PCDHGA10: variants seen among roughly 807,000 people sequenced by gnomAD.
The protein encoded by PCDHGA10 is protocadherin gamma subfamily A, 10, also known as protocadherin gamma-A10.
PCDHGA10 carries 42 observed loss-of-function variants against 59.5 expected under a neutral mutation model. The ratio of observed to expected loss-of-function variants is 0.71; its 90% CI spans 0.55 to 0.91. PCDHGA10 has a LOEUF of 0.91. Ranked by LOEUF, PCDHGA10 falls within the 40% of genes least tolerant of loss-of-function variation. PCDHGA10 has a pLI of 0.00. For missense variants in PCDHGA10, 1,111 were observed against 1,198.2 expected (o/e 0.93, Z 1.07); for synonymous variants, 511 against 517.2 (o/e 0.99, Z 0.16).
chr5:141,495,465 G>T (rs563411010), intron 2 of PCDHGA10, among the ~76,000 whole-genome samples: 11 of 152,298 alleles, frequency 7.2e-5, no homozygotes, highest in African/African-American at 2.4e-4. Flanking sequence ...TGTCTGTGGG[G>T]TCTCCGTGTC....
chr5:141,460,128 T>C (rs10051366), intron 1 of PCDHGA10, among the ~76,000 whole-genome samples: 42,386 of 151,808 alleles, frequency 0.28, 6,635 homozygotes, highest in African/African-American at 0.43. Context: ...ATATGTAATA[T>C]ATATATTCTT....
rs1328460811 is a variant in PCDHGA10, at chr5:141,413,385, A to G, written c.210A>G (p.Ile70Met). ...AGCTGGCGGAGCGCGGAGTCCGCAT[A>G]GTCTCCAGAGGTAGGACGCAGCTTT... ...PRELAERGVR[I>M]VSRGRTQLFS... The change falls in exon 1 of 4, where the codon ATA (isoleucine) becomes ATG (methionine). Residue 70 changes from isoleucine (I) to methionine (M), a missense_variant. Ile to Met is a conservative substitution (Grantham distance 10). Coordinates refer to ENST00000398610, the MANE Select transcript of PCDHGA10 (RefSeq NM_018913.3). 23 of 1,613,870 alleles carry G rather than the reference A, an allele frequency of 1.4e-5. No individual in the cohort carries two copies. Among genetic ancestry groups the G allele is most frequent in the Non-Finnish European group, 1.8e-5 (21 of 1,179,912 alleles).
At chr5:141,466,624 G>C (rs1279938026) in intron 1 of PCDHGA10, among the ~76,000 whole-genome samples, 1 of 152,038 alleles carries the variant, frequency 6.6e-6, no homozygotes, top group Non-Finnish European at 1.5e-5. Context: ...GTTTTCTTTG[G>C]AGCATTGTCT....
intron 1 of PCDHGA10, among the ~76,000 whole-genome samples, chr5:141,474,357 T>G (rs185194067): frequency 2.0e-4 from 30 of 152,302 alleles, no homozygotes; most frequent in African/African-American, 6.5e-4. Context: ...AAGTCATGTC[T>G]CAGTAGGTCT....
At chr5:141,420,223 G>A in intron 1 of PCDHGA10, 2 of 1,604,640 alleles carry the variant, frequency 1.2e-6, no homozygotes, top group Non-Finnish European at 1.7e-6. Context: ...GCATGCTACT[G>A]GCTAGCATTT....
chr5:141,421,748 G>C, intron 1 of PCDHGA10: 1 of 1,613,944 alleles, frequency 6.2e-7, no homozygotes, highest in Non-Finnish European at 8.5e-7. Flanking sequence ...TACCAGCTCA[G>C]CCCTAATAAT....
Position 141,415,164 on chromosome 5 carries a change from G to A in PCDHGA10, c.1989G>A (p.Thr663=). 1.9e-6 allele frequency: 3 copies of A among 1,613,838 alleles called. No individual in the cohort carries two copies. Among genetic ancestry groups the A allele is most frequent in the African/African-American group, 2.7e-5 (2 of 75,070 alleles). Reference sequence around the variant, plus strand: ...AGCCCCCTCTCTCCGCCACTGTCACGCTCACCGTGGCCGTGGCCGACAGCA... The same window carrying A: ...AGCCCCCTCTCTCCGCCACTGTCACACTCACCGTGGCCGTGGCCGACAGCA... The part of the protein sequence containing the change: ...HGQPPLSATV[T]LTVAVADSIP... Residue 663 remains threonine (T), a synonymous_variant, in exon 1 of 4, where the codon ACG becomes ACA. Coordinates refer to ENST00000398610, the MANE Select transcript of PCDHGA10 (RefSeq NM_018913.3).
At chr5:141,494,724 T>C in intron 1 of PCDHGA10, 83 bp from the exon 2 acceptor site, 1 of 1,606,108 alleles carries the variant, frequency 6.2e-7, no homozygotes, top group South Asian at 1.1e-5. Flanking sequence ...CCCCTCCTTC[T>C]CTCCCGGCCC....
intron 2 of PCDHGA10, among the ~76,000 whole-genome samples, chr5:141,505,122 A>G (rs2099843899): frequency 6.6e-6 from 1 of 152,194 alleles, no homozygotes; most frequent in Non-Finnish European, 1.5e-5. Context: ...AGATCGCGCC[A>G]CTGCACTCCA....
In PCDHGA10 at chr5:141,486,440, A is replaced by G; in HGVS notation, c.2437-8367A>G. 6.2e-7 allele frequency: 1 copy of G among 1,614,114 alleles called. No individual in the cohort carries two copies. The highest frequency in any genetic ancestry group is 8.5e-7 in the Non-Finnish European group (1 of 1,179,936). On this transcript the variant is annotated intron_variant, in intron 1 of 3. Coordinates refer to ENST00000398610, the MANE Select transcript of PCDHGA10 (RefSeq NM_018913.3). This position sits in a 1 kb window ranked among gnomAD's most constrained non-coding sequence, Gnocchi z 5.0. ...TCGAGAGGCCAAATCTAGCTATGACATCATGGTCACTGCTTCTGATGCTGG... is the reference window on the plus strand; with the variant it reads ...TCGAGAGGCCAAATCTAGCTATGACGTCATGGTCACTGCTTCTGATGCTGG...
At chr5:141,498,011 G>A (rs995865984) in intron 2 of PCDHGA10, among the ~76,000 whole-genome samples, 2 of 152,204 alleles carry the variant, frequency 1.3e-5, no homozygotes, top group Non-Finnish European at 2.9e-5. Flanking sequence ...ACAGTGCACT[G>A]AAGGAGACAA....
intron 2 of PCDHGA10, among the ~76,000 whole-genome samples, chr5:141,502,337 T>C (rs1562205634): frequency 6.6e-6 from 1 of 152,184 alleles, no homozygotes; most frequent in Admixed American, 6.5e-5. Flanking sequence ...CCCAGTCTTT[T>C]TATTTTTTTA....
rs776543767 is a variant in PCDHGA10 at position 141,432,028 on chromosome 5, C to G, written c.2436+16417C>G. The G allele has an allele frequency of 6.2e-7, 1 of 1,614,168 alleles. No homozygotes were observed. The highest frequency in any genetic ancestry group is 2.2e-5 in the East Asian group (1 of 44,882). On this transcript the variant is annotated intron_variant, in intron 1 of 3. Transcript: ENST00000398610. This position sits in a 1 kb window ranked among gnomAD's most constrained non-coding sequence, Gnocchi z 6.0. ...TTCCTAGCTACAACATCACAGTGAC[C>G]GCCACTGACCGGGGAACCCCGCCCC...
chr5:141,473,382 C>A (rs780229708), intron 1 of PCDHGA10, among the ~76,000 whole-genome samples: 12 of 152,190 alleles, frequency 7.9e-5, no homozygotes, highest in Non-Finnish European at 1.8e-4. Context: ...TGGTCCCTGC[C>A]CTCCTGGAGC....
At position 141,486,646 on chromosome 5, in the gene PCDHGA10, C is replaced by T; in HGVS notation, c.2437-8161C>T. On this transcript the variant is annotated intron_variant, in intron 1 of 3. Transcript: ENST00000398610. The surrounding 1 kb of genome is among the most constrained non-coding windows in gnomAD (Gnocchi z 5.0). ...ACTCTGGCTTGAATGCGCTTATCTC[C>T]TACTCACTCCTGGAGCCCAGGAATC... is the stretch of plus-strand genomic sequence containing the variant. 4.3e-6 allele frequency: 7 copies of T among 1,613,916 alleles called. No individual in the cohort carries two copies. Among genetic ancestry groups the T allele is most frequent in the African/African-American group, 1.3e-5 (1 of 75,058 alleles).
chr5:141,444,900 T>C (rs997464788), intron 1 of PCDHGA10, among the ~76,000 whole-genome samples: 1 of 152,182 alleles, frequency 6.6e-6, no homozygotes, highest in Non-Finnish European at 1.5e-5. Context: ...TGGGATGGCA[T>C]TGCATCTATA....
At chr5:141,428,100 G>A (rs1313410784) in intron 1 of PCDHGA10, 6 of 1,608,582 alleles carry the variant, frequency 3.7e-6, no homozygotes, top group East Asian at 2.2e-5. Context: ...GTCCTACCAC[G>A]TGCTGCAGGC....
At position 141,486,821 on chromosome 5, in the gene PCDHGA10, A is replaced by T. The variant is rs756652952; in HGVS notation, c.2437-7986A>T. On this transcript the variant is annotated intron_variant, in intron 1 of 3. Transcript: ENST00000398610. The surrounding 1 kb of genome is among the most constrained non-coding windows in gnomAD (Gnocchi z 5.0). ...CAACCCACCCCTTAGCAGCACTGTA[A>T]CAGTTCGTCTATTTGTGCTGGACCT... 36 of 1,614,116 alleles carry T rather than the reference A, an allele frequency of 2.2e-5. No individual in the cohort carries two copies. In the South Asian group the frequency reaches 3.4e-4, roughly 15 times the overall value.
At chr5:141,451,179 T>C (rs1039062167) in intron 1 of PCDHGA10, among the ~76,000 whole-genome samples, 6 of 152,162 alleles carry the variant, frequency 3.9e-5, no homozygotes, top group Non-Finnish European at 8.8e-5. Flanking sequence ...TATTTAGCCA[T>C]TGCTGTGTAA....
Sources: gnomAD v4.1 joint callset for allele counts (sites outside exome capture counted in the v4.1 genomes callset) on GRCh38, gnomAD v4.1.1 for gene constraint, Gnocchi (gnomAD v3.1) non-coding constraint, MANE v1.5 for transcripts, NCBI Gene and HGNC (gene_info 2026-07-23, HGNC 2026-07-21) for gene names.